The following FERMT1 variants were observed in gnomAD, a reference collection of about 807,000 sequenced individuals.
FERMT1 encodes the protein FERM domain containing kindlin 1.
In FERMT1, 60 loss-of-function variants were observed where a neutral mutation model predicts 85.3. The ratio of observed to expected loss-of-function variants is 0.70; its 90% CI spans 0.57 to 0.87. FERMT1 has a LOEUF of 0.87. Among genes scored for constraint, FERMT1 ranks in the 40% least tolerant of loss-of-function variants. The pLI, the probability that FERMT1 is intolerant of heterozygous loss-of-function variation, is 0.00. For synonymous variants in FERMT1, 275 were observed against 301.1 expected (o/e 0.91, Z 0.90); for missense variants, 701 against 818.9 (o/e 0.86, Z 1.76).
intron 6 of FERMT1, among the ~76,000 whole-genome samples, chr20:6,107,295 G>A (rs186004547): frequency 3.2e-4 from 49 of 151,586 alleles, no homozygotes; most frequent in African/African-American, 8.9e-4. Context: ...TGCATGCCAC[G>A]CTAGGCGCAA....
intron 5 of FERMT1, among the ~76,000 whole-genome samples, chr20:6,109,502 G>A (rs1318947376): frequency 6.6e-6 from 1 of 152,200 alleles, no homozygotes; most frequent in African/African-American, 2.4e-5. Context: ...TATCTGGTAG[G>A]CAATGGGGAA....
chr20:6,099,201 G>A (rs1982587322), intron 6 of FERMT1, among the ~76,000 whole-genome samples: 2 of 152,074 alleles, frequency 1.3e-5, no homozygotes, highest in South Asian at 4.1e-4. Context: ...TCAGGAGTTT[G>A]AGACACGCCT....
rs1161003417 is a variant in FERMT1 at position 6,110,487 on chromosome 20, G to T, written c.557C>A (p.Thr186Asn). 1 of 1,614,128 alleles carries T rather than the reference G, an allele frequency of 6.2e-7. No homozygotes were observed. Among genetic ancestry groups the T allele is most frequent in the East Asian group, 2.2e-5 (1 of 44,886 alleles). Reference protein sequence around the residue: ...SSVSPGLYSKTMTPIYDPING... With the variant: ...SSVSPGLYSKNMTPIYDPING... ...GATGGGGTCATATATAGGGGTCATG[G>T]TTTTACTGTATAAACCAGGACTTAC... Residue 186 changes from threonine (T) to asparagine (N), a missense_variant, in exon 5 of 15, where the codon ACC (threonine) becomes AAC (asparagine). Coordinates refer to ENST00000217289, the MANE Select transcript of FERMT1 (RefSeq NM_017671.5).
intron 12 of FERMT1, among the ~76,000 whole-genome samples, chr20:6,084,716 C>T (rs1451868869): frequency 4.8e-5 from 7 of 146,790 alleles, no homozygotes; most frequent in Non-Finnish European, 8.9e-5. Context: ...TTTTCTGAGA[C>T]ACAGTCTTGC....
At chr20:6,096,487 T>C (rs1294666778) in intron 8 of FERMT1, among the ~76,000 whole-genome samples, 1 of 152,200 alleles carries the variant, frequency 6.6e-6, no homozygotes, top group Non-Finnish European at 1.5e-5. Context: ...ATTGCACTAC[T>C]GATTGTCTCA....
At chr20:6,095,027 C>T in intron 8 of FERMT1, 39 bp from the exon 9 acceptor site, 5 of 1,153,564 alleles carry the variant, frequency 4.3e-6, no homozygotes, top group East Asian at 2.3e-5. Context: ...GCAGGAACTT[C>T]ATAAGTGATG....
At chr20:6,101,926 G>A (rs547698129) in intron 6 of FERMT1, among the ~76,000 whole-genome samples, 42 of 152,298 alleles carry the variant, frequency 2.8e-4, no homozygotes, top group African/African-American at 9.9e-4. Context: ...AAAGTGCTGG[G>A]ATTACAGGCG....
At chr20:6,121,967 T>C (rs1184352394) in intron 1 of FERMT1, among the ~76,000 whole-genome samples, 1 of 152,240 alleles carries the variant, frequency 6.6e-6, no homozygotes, top group Non-Finnish European at 1.5e-5. Context: ...TGTTCGACTT[T>C]AAGATCCTTA....
chr20:6,119,845 C>T (rs1983218871), intron 1 of FERMT1, among the ~76,000 whole-genome samples: 1 of 152,278 alleles, frequency 6.6e-6, no homozygotes, highest in African/African-American at 2.4e-5. Context: ...TATGTATTTC[C>T]TTCGTCCACC....
At chr20:6,080,930 T>C (rs1299060242) in intron 13 of FERMT1, among the ~76,000 whole-genome samples, 1 of 152,098 alleles carries the variant, frequency 6.6e-6, no homozygotes, top group African/African-American at 2.4e-5. Flanking sequence ...GGCATATAAA[T>C]GAAGTCAAAA....
At chr20:6,087,653 TTG>T in intron 11 of FERMT1, 122 bp downstream of exon 11, 1 of 733,436 alleles carries the variant, frequency 1.4e-6, no homozygotes, top group Non-Finnish European at 2.5e-6. Flanking sequence ...TACACTGTGA[TTG>T]TTTGTTACAA....
chr20:6,083,900 T>C, intron 13 of FERMT1, 140 bp downstream of exon 13: 3 of 949,332 alleles, frequency 3.2e-6, no homozygotes, highest in Non-Finnish European at 4.9e-6. Flanking sequence ...CAGCCCAAAG[T>C]GTCAGGACTA....
At chr20:6,085,810 A>G (rs2123101616) in intron 11 of FERMT1, among the ~76,000 whole-genome samples, 1 of 150,660 alleles carries the variant, frequency 6.6e-6, no homozygotes, top group Admixed American at 6.6e-5. Context: ...GATTGCACAA[A>G]CGCACTCGAG....
Position 6,104,592 on chromosome 20 carries a change from TTTGGG to T in FERMT1, c.849+2935_849+2939del, listed in dbSNP as rs1982749811. On this transcript the variant is annotated intron_variant, in intron 6 of 14. Coordinates refer to ENST00000217289, the MANE Select transcript of FERMT1 (RefSeq NM_017671.5). The surrounding 1 kb of genome is among the most constrained non-coding windows in gnomAD (Gnocchi z 4.2). ...CATTATCCTGAGTCTTCCTGTCACC[TTTGGG>T]TTGACAGTTTCTGTGTGGCTGTTAG... 6.6e-6 allele frequency among the ~76,000 whole-genome samples: 1 copy of T among 152,178 alleles called. No individual in the cohort carries two copies. Among genetic ancestry groups the T allele is most frequent in the South Asian group, 2.1e-4 (1 of 4,820 alleles).
chr20:6,083,449 T>C (rs1982055894), intron 13 of FERMT1, among the ~76,000 whole-genome samples: 1 of 152,036 alleles, frequency 6.6e-6, no homozygotes, highest in Admixed American at 6.6e-5. Context: ...AAGACAGAGC[T>C]TGCGGGGACC....
intron 11 of FERMT1, among the ~76,000 whole-genome samples, chr20:6,086,627 G>T (rs944337382): frequency 6.6e-6 from 1 of 152,144 alleles, no homozygotes; most frequent in African/African-American, 2.4e-5. Context: ...GGAGGGACCT[G>T]GTGGGAAGTG....
At chr20:6,121,429 G>A (rs562956485) in intron 1 of FERMT1, among the ~76,000 whole-genome samples, 3 of 152,172 alleles carry the variant, frequency 2.0e-5, no homozygotes, top group Non-Finnish European at 4.4e-5. Flanking sequence ...CGTTCCTTAT[G>A]TTTCTATAGT....
rs1983200946 is a variant in FERMT1 at position 6,119,404 on chromosome 20, T to C, written c.151A>G (p.Asn51Asp). Residue 51 changes from asparagine to aspartate, a missense_variant and splice_region_variant, in exon 2 of 15, where the codon AAT (asparagine) becomes GAT (aspartate). Transcript: ENST00000217289. ...AAACCGTAAAGCAAGAGTAACTTAC[T>C]GATCTGTTCTACTAACTTGAGCATC... is the stretch of plus-strand genomic sequence containing the variant. Reference protein sequence around the residue: ...GVMLKLVEQINISQDWSDFAL... With the variant: ...GVMLKLVEQIDISQDWSDFAL... 6.2e-7 allele frequency: 1 copy of C among 1,613,938 alleles called. No individual in the cohort carries two copies. Among genetic ancestry groups the C allele is most frequent in the Non-Finnish European group, 8.5e-7 (1 of 1,179,918 alleles).
Position 6,097,539 on chromosome 20 carries a change from G to A in FERMT1, c.942C>T (p.Ile314=), listed in dbSNP as rs765369718. Reference sequence around the variant, plus strand: ...GTTCCCATACCTGTAGAGCTGCAAAGATCAACATTTCTTCCTCTGTGCAAT... The same window carrying A: ...GTTCCCATACCTGTAGAGCTGCAAAAATCAACATTTCTTCCTCTGTGCAAT... ...EIDCTEEEML[I]FAALQYHISK... is the part of the protein sequence containing the mutation. The change falls in exon 7 of 15, where the codon ATC becomes ATT. Residue 314 remains isoleucine (I), a synonymous_variant. Transcript: ENST00000217289. 13 of 1,612,922 alleles carry A rather than the reference G, an allele frequency of 8.1e-6. 1 individual carries two copies. The South Asian group carries it at 1.2e-4, about 15-fold the overall frequency.
Sources: allele counts gnomAD v4.1 joint callset (sites outside exome capture counted in the v4.1 genomes callset), GRCh38; gene constraint gnomAD v4.1.1; non-coding constraint Gnocchi (gnomAD v3.1); transcripts MANE v1.5; gene names NCBI Gene and HGNC (gene_info 2026-07-23, HGNC 2026-07-21).